The following CALN1 variants were observed in gnomAD, a reference collection of about 807,000 sequenced individuals.
CALN1 encodes the protein calneuron 1.
CALN1 carries 17 observed loss-of-function variants against 30.6 expected under a neutral mutation model. That is an observed-to-expected ratio of 0.56 (90% CI 0.38 to 0.83). The LOEUF (loss-of-function observed/expected upper bound fraction) is 0.83, where lower values mean the gene tolerates loss of function less well. Among genes scored for constraint, CALN1 ranks in the 40% least tolerant of loss-of-function variants. CALN1 has a pLI of 0.00. For synonymous variants in CALN1, 156 were observed against 131.4 expected, an observed-to-expected ratio of 1.19 and a Z score of -1.28; for missense variants, 291 against 354.9, an observed-to-expected ratio of 0.82 and a Z score of 1.45.
At chr7:72,370,135 C>T (rs2129560262) in intron 2 of CALN1, among the ~76,000 whole-genome samples, 1 of 152,292 alleles carries the variant, frequency 6.6e-6, no homozygotes, top group East Asian at 1.9e-4. Flanking sequence ...GAACTTGGTA[C>T]AGTCATTTTA....
At chr7:72,352,118 G>T (rs1205858498) in intron 2 of CALN1, among the ~76,000 whole-genome samples, 1 of 152,030 alleles carries the variant, frequency 6.6e-6, no homozygotes, top group Non-Finnish European at 1.5e-5. Flanking sequence ...AGTGAGCTGG[G>T]ATTGCACCAC....
rs1207644560 is a variant in CALN1 at position 72,121,238 on chromosome 7, ATATAT to A, written c.245-14949_245-14945del. Among the ~76,000 whole-genome samples, 6 of 142,034 alleles carry A rather than the reference ATATAT, an allele frequency of 4.2e-5. No individual in the cohort carries two copies. In the South Asian group the frequency reaches 6.3e-4, roughly 15 times the overall value. 93.2% of individuals were successfully genotyped at this position (142,034 alleles called of 152,430 possible). On this transcript the variant is annotated intron_variant, in intron 3 of 6. Coordinates refer to ENST00000395275, the MANE Select transcript of CALN1 (RefSeq NM_031468.4). ...TATGTATTATATAACTATATAATTA[ATATAT>A]TATAATACATATCTATTATATATCT...
At chr7:71,902,426 G>A (rs970583695) in intron 5 of CALN1, among the ~76,000 whole-genome samples, 1 of 152,088 alleles carries the variant, frequency 6.6e-6, no homozygotes, top group East Asian at 1.9e-4. Context: ...AAAATAACAG[G>A]TATTGGAGAG....
At chr7:71,871,793 A>C (rs1791948384) in intron 5 of CALN1, among the ~76,000 whole-genome samples, 1 of 151,432 alleles carries the variant, frequency 6.6e-6, no homozygotes, top group Admixed American at 6.6e-5. Flanking sequence ...TTCAAATATC[A>C]CCTTTTCAGA....
At chr7:72,367,113 A>G (rs77272510) in intron 2 of CALN1, among the ~76,000 whole-genome samples, 3 of 152,158 alleles carry the variant, frequency 2.0e-5, no homozygotes, top group Non-Finnish European at 4.4e-5. Flanking sequence ...TAATAATAAA[A>G]AAAAACAGGC....
chr7:71,913,985 C>A (rs970494447), intron 5 of CALN1: 3 of 152,188 alleles, frequency 2.0e-5, no homozygotes, highest in African/African-American at 7.2e-5. Flanking sequence ...AATAGCCAGT[C>A]CAAGTTTATG....
chr7:72,430,912 C>T (rs1483258100), intron 1 of CALN1, among the ~76,000 whole-genome samples: 1 of 151,946 alleles, frequency 6.6e-6, no homozygotes, highest in African/African-American at 2.4e-5. Context: ...AAATTCCTCG[C>T]CCAGTGCTCA....
At chr7:72,252,584 G>C (rs2129552168) in intron 3 of CALN1, among the ~76,000 whole-genome samples, 1 of 147,260 alleles carries the variant, frequency 6.8e-6, no homozygotes, top group East Asian at 2.0e-4. Context: ...ACTCCAGCCT[G>C]AATGACAGAG....
intron 3 of CALN1, among the ~76,000 whole-genome samples, chr7:72,244,827 A>G (rs10216201): frequency 0.19 from 28,661 of 151,974 alleles, 3,743 homozygotes; most frequent in East Asian, 0.43. Context: ...ACAGTTAGCA[A>G]TAACTTACAT....
At chr7:72,500,074 G>A in the CALN1 span, among the ~76,000 whole-genome samples, 2 of 149,960 alleles carry the variant, frequency 1.3e-5, no homozygotes, top group Non-Finnish European at 3.0e-5. Context: ...ACCAAGTTGG[G>A]CTAATTTTTG....
chr7:71,971,734 C>CA (rs1044658875), intron 5 of CALN1, among the ~76,000 whole-genome samples: 2 of 151,094 alleles, frequency 1.3e-5, no homozygotes, highest in Admixed American at 6.6e-5. Context: ...CCCGTCTCTA[C>CA]AAAAAAGTAA....
At position 71,977,554 on chromosome 7, in the gene CALN1, C is replaced by T. The variant is rs113983298; in HGVS notation, c.501+46103G>A. The stretch of plus-strand genomic sequence containing the variant: ...CAATCAGAGGGGCTAGTGCCTGGCA[C>T]TCAGCCACACAGGTCTGTCTCATGG... On this transcript the variant is annotated intron_variant, in intron 5 of 6. Coordinates refer to ENST00000395275, the MANE Select transcript of CALN1 (RefSeq NM_031468.4). Among the ~76,000 whole-genome samples the T allele has an allele frequency of 2.3e-3, 354 of 152,324 alleles. 1 individual carries two copies. Among genetic ancestry groups the T allele is most frequent in the African/African-American group, 8.2e-3 (342 of 41,574 alleles).
chr7:71,798,218 G>T (rs1787080487), intron 6 of CALN1, among the ~76,000 whole-genome samples: 2 of 150,256 alleles, frequency 1.3e-5, no homozygotes, highest in African/African-American at 4.9e-5. Flanking sequence ...CAAAGTTCAT[G>T]CACTTGACTT....
At chr7:71,810,190 G>C (rs773783853) in intron 6 of CALN1, 146 bp downstream of exon 6, 6 of 783,962 alleles carry the variant, frequency 7.7e-6, no homozygotes, top group African/African-American at 1.8e-5. Flanking sequence ...TAGCAAAAAA[G>C]ATCTTTAACC....
At chr7:72,310,961 G>C (rs751610702) in intron 2 of CALN1, among the ~76,000 whole-genome samples, 2 of 150,304 alleles carry the variant, frequency 1.3e-5, no homozygotes, top group Non-Finnish European at 3.0e-5. Context: ...ATATATATAC[G>C]GTGGATCCTT....
At chr7:71,806,195 C>T (rs1174529036) in intron 6 of CALN1, among the ~76,000 whole-genome samples, 1 of 148,406 alleles carries the variant, frequency 6.7e-6, no homozygotes, top group African/African-American at 2.6e-5. Context: ...ACATGTACCC[C>T]AAAACTTAAA....
intron 4 of CALN1, among the ~76,000 whole-genome samples, chr7:72,033,228 C>T (rs1801571756): frequency 6.6e-6 from 1 of 152,072 alleles, no homozygotes. Context: ...CAGGACTGTA[C>T]AACATTCATT....
intron 5 of CALN1, among the ~76,000 whole-genome samples, chr7:71,947,288 G>T (rs1212897960): frequency 6.6e-6 from 1 of 152,170 alleles, no homozygotes; most frequent in Non-Finnish European, 1.5e-5. Flanking sequence ...CGAGATTACA[G>T]GCTTGAGCCA....
intron 3 of CALN1, among the ~76,000 whole-genome samples, chr7:72,227,608 G>A (rs968660076): frequency 4.6e-5 from 7 of 151,890 alleles, no homozygotes; most frequent in Admixed American, 1.3e-4. Context: ...TGGGGGGTGG[G>A]CAAAGGTTAA....
Sources: allele counts gnomAD v4.1 joint callset (sites outside exome capture counted in the v4.1 genomes callset), GRCh38; gene constraint gnomAD v4.1.1; transcripts MANE v1.5; gene names NCBI Gene and HGNC (gene_info 2026-07-23, HGNC 2026-07-21).